SHROOM4: variants seen among roughly 807,000 people sequenced by gnomAD.
SHROOM4 encodes the protein shroom family member 4, also known as protein Shroom4.
A neutral mutation model predicts 80.3 loss-of-function variants in SHROOM4; 17 were observed. The observed-to-expected ratio is 0.21, with a 90% CI of 0.14 to 0.32. The LOEUF is 0.32. Ranked by LOEUF, SHROOM4 falls within the 10% of genes least tolerant of loss-of-function variation. The probability of loss-of-function intolerance (pLI) is 1.00; values close to 1 mark genes in which losing one functional copy is unlikely to be tolerated. For synonymous variants in SHROOM4, 400 were observed against 437.5 expected (o/e 0.91, Z 1.07); for missense variants, 993 against 1,140.3 (o/e 0.87, Z 1.86).
At chrX:50,665,585 A>T in intron 2 of SHROOM4, among the ~76,000 whole-genome samples, 1 of 110,400 alleles carries the variant, frequency 9.1e-6, no homozygotes, top group Non-Finnish European at 1.9e-5. Flanking sequence ...TACAGAGAGC[A>T]AACTAGATAT....
In SHROOM4 at chrX:50,594,726, T is replaced by TGG. The variant is rs1159984390; in HGVS notation, c.*1968_*1969insCC. 2 of 111,617 alleles carry TGG rather than the reference T, an allele frequency of 1.8e-5. No homozygotes were observed. Among genetic ancestry groups the TGG allele is most frequent in the Non-Finnish European group, 3.8e-5 (2 of 53,121 alleles). 9.2% of individuals were successfully genotyped at this position (111,617 alleles called of 1,213,427 possible). On this transcript the variant is annotated 3_prime_UTR_variant, in exon 9 of 9. Transcript: ENST00000376020. ...CAACTATGGCCTCCATTGAAAGCAC[T>TGG]CCCCTACCTTCTCAATCTTGGCTGG...
intron 5 of SHROOM4, 132 bp downstream of exon 5, chrX:50,627,482 A>G (rs1930849568): frequency 3.4e-6 from 2 of 585,247 alleles, no homozygotes; most frequent in Non-Finnish European, 5.9e-6. Context: ...AATTATATCT[A>G]TGGTATCAAG....
chrX:50,580,871 C>CA, the SHROOM4 span, among the ~76,000 whole-genome samples: 1 of 112,309 alleles, frequency 8.9e-6, no homozygotes, highest in Admixed American at 9.4e-5. Context: ...AATTGTTAAA[C>CA]AAATTTAAAG....
intron 2 of SHROOM4, among the ~76,000 whole-genome samples, chrX:50,644,481 C>T (rs954592886): frequency 5.4e-5 from 6 of 112,125 alleles, no homozygotes; most frequent in Admixed American, 4.7e-4. Context: ...CAGAGCAGCC[C>T]TATGTGGATT....
At chrX:50,694,675 A>G (rs1206835913) in intron 2 of SHROOM4, among the ~76,000 whole-genome samples, 1 of 104,552 alleles carries the variant, frequency 9.6e-6, no homozygotes, top group Non-Finnish European at 1.9e-5. Flanking sequence ...ATGAATATGA[A>G]AAATAACCCA....
chrX:50,804,574 G>T (rs1231582473), intron 1 of SHROOM4, among the ~76,000 whole-genome samples: 3 of 111,985 alleles, frequency 2.7e-5, no homozygotes, highest in African/African-American at 9.8e-5. Context: ...AAGTTGGACA[G>T]AAGTAAATTT....
chrX:50,619,705 C>T (rs142248412), intron 5 of SHROOM4, among the ~76,000 whole-genome samples: 1,490 of 111,800 alleles, frequency 0.013, 36 homozygotes, highest in African/African-American at 0.046. Flanking sequence ...TATTTGTTGT[C>T]AAGTAATACA....
intron 2 of SHROOM4, among the ~76,000 whole-genome samples, chrX:50,643,886 G>C (rs782443485): frequency 1.8e-4 from 20 of 112,883 alleles, no homozygotes; most frequent in Non-Finnish European, 3.6e-4. Flanking sequence ...ACGTAAGTGA[G>C]AGAGAAAAAT....
intron 2 of SHROOM4, among the ~76,000 whole-genome samples, chrX:50,653,548 AC>A (rs1215516361): frequency 9.0e-6 from 1 of 111,475 alleles, no homozygotes; most frequent in African/African-American, 3.3e-5. Context: ...CTATTTGAAT[AC>A]CCTTTATTTC....
At chrX:50,711,236 A>T (rs1933805419) in intron 1 of SHROOM4, among the ~76,000 whole-genome samples, 2 of 112,008 alleles carry the variant, frequency 1.8e-5, no homozygotes, top group South Asian at 7.6e-4. Context: ...TGCACTGAGG[A>T]CCAAATCTTA....
rs370181545 is a variant in SHROOM4, at chrX:50,634,327, C to A, written c.1746G>T (p.Arg582=). ...GGTRGRSIQN[R]RKSERFATNL... is the part of the protein sequence containing the mutation. Reference sequence around the variant, plus strand: ...TGGTAGCAAAACGCTCACTCTTCCGCCGGTTTTGGATCGAGCGGCCCCGGG... The same window carrying A: ...TGGTAGCAAAACGCTCACTCTTCCGACGGTTTTGGATCGAGCGGCCCCGGG... The change falls in exon 4 of 9, where the codon CGG becomes CGT. Residue 582 remains arginine, a synonymous_variant. Transcript: ENST00000376020. 2.8e-5 allele frequency: 34 copies of A among 1,209,047 alleles called. No individual in the cohort carries two copies. The African/African-American group carries it at 5.6e-4, about 20-fold the overall frequency.
intron 1 of SHROOM4, among the ~76,000 whole-genome samples, chrX:50,740,850 T>C (rs1219012238): frequency 1.8e-5 from 2 of 112,330 alleles, no homozygotes; most frequent in East Asian, 2.8e-4. Flanking sequence ...GTCTGCTCTT[T>C]TGGGGTCATA....
Position 50,695,797 on chromosome X carries a change from C to A in SHROOM4, c.258G>T (p.Leu86=). The change falls in exon 2 of 9, where the codon CTG becomes CTT. Residue 86 remains leucine (L), a synonymous_variant. Transcript: ENST00000376020. ...TCCCTGTACCTTACCTCCTGACAAT[C>A]AGCTTGAGAATCCGGAAGGAGCCTT... The part of the protein sequence containing the change: ...LIKGSFRILK[L]IVRRRNAPVS... The A allele has an allele frequency of 8.3e-7, 1 of 1,211,863 alleles. No individual in the cohort carries two copies. The highest frequency in any genetic ancestry group is 1.1e-6 in the Non-Finnish European group (1 of 895,496).
intron 7 of SHROOM4, among the ~76,000 whole-genome samples, chrX:50,602,062 C>T (rs1339175900): frequency 3.6e-5 from 4 of 111,051 alleles, no homozygotes; most frequent in Non-Finnish European, 7.5e-5. Context: ...ATAGTAATAT[C>T]TGCCTTGTTG....
chrX:50,801,626 T>G (rs1936124411), intron 1 of SHROOM4, among the ~76,000 whole-genome samples: 1 of 111,657 alleles, frequency 9.0e-6, no homozygotes, highest in African/African-American at 3.3e-5. Flanking sequence ...GCACTTTTCT[T>G]CAGCCAAAGG....
At chrX:50,576,820 A>G in the SHROOM4 span, among the ~76,000 whole-genome samples, 1 of 111,725 alleles carries the variant, frequency 9.0e-6, no homozygotes, top group Non-Finnish European at 1.9e-5. Context: ...AGACATTTTA[A>G]CGGTTTGAGT....
At chrX:50,649,826 T>C (rs949613891) in intron 2 of SHROOM4, 1 of 112,516 alleles carries the variant, frequency 8.9e-6, no homozygotes, top group Non-Finnish European at 1.9e-5. Context: ...AATTTTATGG[T>C]ATGTGAATTA....
chrX:50,671,475 A>T (rs1313372478), intron 2 of SHROOM4, among the ~76,000 whole-genome samples: 1 of 112,004 alleles, frequency 8.9e-6, no homozygotes, highest in East Asian at 2.8e-4. Context: ...TCTTAGCTAG[A>T]TCTTCTGGAT....
At chrX:50,609,841 C>A (rs1293583925) in intron 5 of SHROOM4, among the ~76,000 whole-genome samples, 1 of 110,584 alleles carries the variant, frequency 9.0e-6, no homozygotes, top group African/African-American at 3.3e-5. Flanking sequence ...AAGAAAACCT[C>A]CAAATAAGTC....
Sources: gnomAD v4.1 joint callset for allele counts (sites outside exome capture counted in the v4.1 genomes callset) on GRCh38, gnomAD v4.1.1 for gene constraint, MANE v1.5 for transcripts, NCBI Gene and HGNC (gene_info 2026-07-23, HGNC 2026-07-21) for gene names.